The following CNIH3 variants were observed in gnomAD, a reference collection of about 807,000 sequenced individuals.
CNIH3 encodes cornichon family AMPA receptor auxiliary protein 3, also known as protein cornichon homolog 3.
CNIH3 carries 14 observed loss-of-function variants against 24.1 expected under a neutral mutation model. That is an observed-to-expected ratio of 0.58 (90% CI 0.38 to 0.91). The LOEUF (loss-of-function observed/expected upper bound fraction) is 0.91, where lower values mean the gene tolerates loss of function less well. Ranked by LOEUF, CNIH3 falls within the 40% of genes least tolerant of loss-of-function variation. CNIH3 has a pLI of 0.00. For missense variants in CNIH3, 178 were observed against 196.8 expected, an observed-to-expected ratio of 0.90 and a Z score of 0.57; for synonymous variants, 68 against 73.8, an observed-to-expected ratio of 0.92 and a Z score of 0.40.
intron 3 of CNIH3, among the ~76,000 whole-genome samples, chr1:224,609,847 G>A (rs1258988454): frequency 6.6e-6 from 1 of 152,150 alleles, no homozygotes; most frequent in Non-Finnish European, 1.5e-5. Context: ...AATGTAAGGG[G>A]AGAGCAGATA....
chr1:224,563,769 C>A (rs1476820042), intron 3 of CNIH3, among the ~76,000 whole-genome samples: 2 of 152,084 alleles, frequency 1.3e-5, no homozygotes, highest in Non-Finnish European at 2.9e-5. Context: ...TTTAAAAGAA[C>A]CAGATGGTTC....
At chr1:224,698,307 A>G (rs1443927072) in intron 3 of CNIH3, among the ~76,000 whole-genome samples, 1 of 152,252 alleles carries the variant, frequency 6.6e-6, no homozygotes, top group Non-Finnish European at 1.5e-5. Context: ...CAAAGCAATG[A>G]TGAGATTCTG....
chr1:224,475,211 C>T (rs1361958782), intron 1 of CNIH3, among the ~76,000 whole-genome samples: 3 of 134,646 alleles, frequency 2.2e-5, no homozygotes, highest in Non-Finnish European at 3.2e-5. Flanking sequence ...AGAAAATTAG[C>T]TGGTCGTGGC....
At chr1:224,680,412 G>A (rs936288008) in intron 1 of CNIH3, among the ~76,000 whole-genome samples, 1 of 152,218 alleles carries the variant, frequency 6.6e-6, no homozygotes, top group Non-Finnish European at 1.5e-5. Flanking sequence ...GAAGTCCAAA[G>A]GACTGTGCTT....
chr1:224,653,573 A>G (rs973984008), intron 1 of CNIH3, among the ~76,000 whole-genome samples: 1 of 152,222 alleles, frequency 6.6e-6, no homozygotes, highest in African/African-American at 2.4e-5. Context: ...TTTATGGATC[A>G]CTTTTTACAT....
At chr1:224,650,696 G>A (rs1395005048) in intron 1 of CNIH3, among the ~76,000 whole-genome samples, 7 of 152,128 alleles carry the variant, frequency 4.6e-5, no homozygotes, top group Admixed American at 1.3e-4. Context: ...GTTCATAAAC[G>A]GCTTTCTATG....
In CNIH3 at chr1:224,703,902, C is replaced by T. The variant is rs1687637207; in HGVS notation, c.198+19059C>T. Among the ~76,000 whole-genome samples, 1 of 152,236 alleles carries T rather than the reference C, an allele frequency of 6.6e-6. No individual in the cohort carries two copies. On this transcript the variant is annotated intron_variant, in intron 3 of 5. Coordinates refer to ENST00000272133, the MANE Select transcript of CNIH3 (RefSeq NM_152495.2). This position sits in a 1 kb window ranked among gnomAD's most constrained non-coding sequence, Gnocchi z 4.2. ...TTCTCCCTGCAGCACACCTGAGTCG[C>T]TGCTGCTCTGCAGGCCTCCCACCTC...
intron 2 of CNIH3, among the ~76,000 whole-genome samples, chr1:224,536,745 T>C (rs188525521): frequency 1.3e-5 from 2 of 152,316 alleles, no homozygotes; most frequent in Admixed American, 6.5e-5. Context: ...AGAAAGACAC[T>C]GTCTAGGGAC....
At position 224,536,284 on chromosome 1, in the gene CNIH3, CTTTT is replaced by C. The variant is rs373201561; in HGVS notation, n.344-631_344-628del. ...GGGAAATAGCTGCCATAATTGTTGT[CTTTT>C]TTTTTTTTTTTTTTTTTTTTGAGAC... On this transcript the variant is annotated intron_variant and non_coding_transcript_variant, in intron 2 of 2. Coordinates refer to the CNIH3 transcript ENST00000470602. 2.7e-3 allele frequency among the ~76,000 whole-genome samples: 229 copies of C among 86,074 alleles called. 1 individual carries two copies. The highest frequency in any genetic ancestry group is 9.8e-3 in the African/African-American group (197 of 20,146). 56.5% of individuals were successfully genotyped at this position (86,074 alleles called of 152,430 possible).
intron 3 of CNIH3, among the ~76,000 whole-genome samples, chr1:224,723,143 A>C (rs909264951): frequency 2.6e-5 from 4 of 152,192 alleles, no homozygotes; most frequent in African/African-American, 4.8e-5. Flanking sequence ...AGGAAGGGTC[A>C]GGCAGCTCCC....
intron 5 of CNIH3, among the ~76,000 whole-genome samples, chr1:224,738,817 A>C (rs1244421824): frequency 6.6e-6 from 1 of 152,106 alleles, no homozygotes; most frequent in Non-Finnish European, 1.5e-5. Flanking sequence ...TTACCCAATC[A>C]AGAATTCATT....
chr1:224,733,749 A>G (rs1229913567), intron 4 of CNIH3, among the ~76,000 whole-genome samples: 1 of 152,162 alleles, frequency 6.6e-6, no homozygotes, highest in African/African-American at 2.4e-5. Flanking sequence ...AAAGGAACTC[A>G]CTGAGAGATT....
intron 1 of CNIH3, among the ~76,000 whole-genome samples, chr1:224,503,354 C>G (rs897223441): frequency 7.2e-5 from 11 of 152,162 alleles, no homozygotes; most frequent in Non-Finnish European, 1.6e-4. Context: ...GTCTTTTCCT[C>G]CCTTGCTTCT....
intron 3 of CNIH3, among the ~76,000 whole-genome samples, chr1:224,594,083 G>A (rs1414074996): frequency 1.3e-5 from 2 of 152,220 alleles, no homozygotes; most frequent in Non-Finnish European, 2.9e-5. Context: ...AGTGGTGATG[G>A]TTGCACAACA....
At chr1:224,623,763 T>A (rs1683393758) in intron 1 of CNIH3, among the ~76,000 whole-genome samples, 1 of 152,098 alleles carries the variant, frequency 6.6e-6, no homozygotes, top group African/African-American at 2.4e-5. Flanking sequence ...CTTCCTCCCC[T>A]CCTAGTTATC....
At chr1:224,553,140 CCT>C (rs1679996116) in intron 3 of CNIH3, among the ~76,000 whole-genome samples, 1 of 149,166 alleles carries the variant, frequency 6.7e-6, no homozygotes, top group African/African-American at 2.5e-5. Flanking sequence ...GTGTACACTC[CCT>C]GTGATATTAC....
intron 3 of CNIH3, among the ~76,000 whole-genome samples, chr1:224,551,848 T>A (rs1679934829): frequency 6.7e-6 from 1 of 150,060 alleles, no homozygotes; most frequent in Admixed American, 6.6e-5. Flanking sequence ...GGGGGTGTAC[T>A]CCCTCTGTGT....
chr1:224,662,880 G>C (rs534404197), intron 1 of CNIH3, among the ~76,000 whole-genome samples: 1 of 152,264 alleles, frequency 6.6e-6, no homozygotes, highest in East Asian at 1.9e-4. Context: ...AGTGAAGCCT[G>C]TGAACCAAAA....
At chr1:224,655,714 A>G (rs1220364449) in intron 1 of CNIH3, among the ~76,000 whole-genome samples, 1 of 152,226 alleles carries the variant, frequency 6.6e-6, no homozygotes, top group Admixed American at 6.5e-5. Context: ...TTACTGGGAT[A>G]ACAAGTATTG....
Sources: allele counts gnomAD v4.1 joint callset (sites outside exome capture counted in the v4.1 genomes callset), GRCh38; gene constraint gnomAD v4.1.1; non-coding constraint Gnocchi (gnomAD v3.1); transcripts MANE v1.5; gene names NCBI Gene and HGNC (gene_info 2026-07-23, HGNC 2026-07-21).